UBXN7: variants seen among roughly 807,000 people sequenced by gnomAD.
The protein encoded by UBXN7 is UBX domain-containing protein 7.
In UBXN7, 9 loss-of-function variants were observed where a neutral mutation model predicts 58.0. That is an observed-to-expected ratio of 0.16 (90% CI 0.09 to 0.27). The LOEUF is 0.27. UBXN7 is among the 10% of genes least tolerant of loss of function. UBXN7 has a pLI of 1.00. For missense variants in UBXN7, 328 were observed against 599.6 expected (o/e 0.55, Z 4.73); for synonymous variants, 208 against 205.0 (o/e 1.01, Z -0.12).
chr3:196,387,352 C>T (rs1729436019), intron 5 of UBXN7, among the ~76,000 whole-genome samples: 1 of 152,186 alleles, frequency 6.6e-6, no homozygotes, highest in Non-Finnish European at 1.5e-5. Flanking sequence ...AAAACCTAGG[C>T]AATACCATTC....
chr3:196,358,756 A>T, intron 10 of UBXN7, among the ~76,000 whole-genome samples: 1 of 151,956 alleles, frequency 6.6e-6, no homozygotes, highest in Non-Finnish European at 1.5e-5. Context: ...CCAACCAACC[A>T]ACAACAACAA....
chr3:196,428,445 C>T (rs1415804717), intron 1 of UBXN7, among the ~76,000 whole-genome samples: 2 of 68,056 alleles, frequency 2.9e-5, no homozygotes, highest in African/African-American at 8.0e-5. Context: ...AGAACAAGAC[C>T]GTCTTTAAAA....
intron 3 of UBXN7, among the ~76,000 whole-genome samples, chr3:196,396,103 C>T (rs931266872): frequency 4.7e-5 from 7 of 150,310 alleles, no homozygotes; most frequent in Non-Finnish European, 1.0e-4. Flanking sequence ...CACCCTGTGT[C>T]GCTCTCTACC....
At chr3:196,397,251 A>C (rs543775133) in intron 3 of UBXN7, among the ~76,000 whole-genome samples, 1 of 152,334 alleles carries the variant, frequency 6.6e-6, no homozygotes, top group Non-Finnish European at 1.5e-5. Context: ...AAAGAGCTAA[A>C]AGAAATTCAG....
intron 5 of UBXN7, among the ~76,000 whole-genome samples, chr3:196,373,956 TTAAC>T (rs1728916640): frequency 6.6e-6 from 1 of 152,236 alleles, no homozygotes; most frequent in East Asian, 1.9e-4. Context: ...GAAGCCGCAT[TTAAC>T]TGGTCAAAGG....
Position 196,423,045 on chromosome 3 carries a change from G to A in UBXN7, c.73+9282C>T, listed in dbSNP as rs185801702. ...ACTTACATGACATTCTGGAAAACAG[G>A]AGACTAAAAACAGACTAGGCTATGG... On this transcript the variant is annotated intron_variant, in intron 1 of 10. Transcript: ENST00000296328. Among the ~76,000 whole-genome samples the A allele has an allele frequency of 2.2e-4, 34 of 152,284 alleles. No individual in the cohort carries two copies. In the East Asian group the frequency reaches 4.1e-3, roughly 18 times the overall value.
intron 1 of UBXN7, chr3:196,432,080 G>C (rs199993348): frequency 1.4e-4 from 85 of 615,044 alleles, no homozygotes; most frequent in Non-Finnish European, 2.4e-4. Context: ...CTGGGCTGGC[G>C]GGGGGTTGGG....
rs138951041 is a variant in UBXN7, at chr3:196,391,292, A to C, written c.468+521T>G. On this transcript the variant is annotated intron_variant, in intron 5 of 10. Transcript: ENST00000296328. ...CTAATAAAAGGATTTCATCAATCTC[A>C]TATACTGCTGGTAGAAATATATTTC... 2.6e-5 allele frequency among the ~76,000 whole-genome samples: 4 copies of C among 152,284 alleles called. No individual in the cohort carries two copies. In the East Asian group the frequency reaches 7.7e-4, roughly 29 times the overall value.
At chr3:196,412,904 G>C (rs959277947) in intron 1 of UBXN7, among the ~76,000 whole-genome samples, 2 of 152,186 alleles carry the variant, frequency 1.3e-5, no homozygotes, top group Non-Finnish European at 2.9e-5. Flanking sequence ...CCAGGGGCTG[G>C]AGGAAGGTAG....
intron 1 of UBXN7, among the ~76,000 whole-genome samples, chr3:196,419,466 T>G (rs549119057): frequency 3.3e-4 from 51 of 152,278 alleles, no homozygotes; most frequent in Non-Finnish European, 5.3e-4. Flanking sequence ...ACAAAGCCAG[T>G]GCTAGAAAGA....
rs1728191248 is a variant in UBXN7, at chr3:196,350,782, G to C, written c.*5903C>G. On this transcript the variant is annotated 3_prime_UTR_variant, in exon 11 of 11. Coordinates refer to ENST00000296328, the MANE Select transcript of UBXN7 (RefSeq NM_015562.2). ...CCGATATATTGGTATGGTATTCTCT[G>C]TTGGGTTATCTGCAGTTCTAAAGAA... 1 of 152,200 alleles carries C rather than the reference G, an allele frequency of 6.6e-6. No individual in the cohort carries two copies. Among genetic ancestry groups the C allele is most frequent in the Non-Finnish European group, 1.5e-5 (1 of 68,038 alleles). 9.4% of individuals were successfully genotyped at this position (152,200 alleles called of 1,614,324 possible). A position where few individuals can be genotyped will look rare whatever the true frequency, so the allele number is the denominator to read the frequency against.
At chr3:196,397,317 A>C (rs1189238764) in intron 3 of UBXN7, among the ~76,000 whole-genome samples, 1 of 152,232 alleles carries the variant, frequency 6.6e-6, no homozygotes, top group East Asian at 1.9e-4. Context: ...TAGTGAGAAG[A>C]GTGGCACTGT....
intron 2 of UBXN7, among the ~76,000 whole-genome samples, chr3:196,403,833 C>G (rs1730067073): frequency 6.6e-6 from 1 of 152,100 alleles, no homozygotes; most frequent in Admixed American, 6.6e-5. Context: ...AGTAATTACT[C>G]ATCTTTTAAA....
chr3:196,421,963 T>C (rs1467691533), intron 1 of UBXN7, among the ~76,000 whole-genome samples: 1 of 151,408 alleles, frequency 6.6e-6, no homozygotes, highest in Non-Finnish European at 1.5e-5. Context: ...CTTTGGGAGG[T>C]TGAGGCGGGC....
chr3:196,376,233 A>G (rs1410461266), intron 5 of UBXN7, among the ~76,000 whole-genome samples: 2 of 152,146 alleles, frequency 1.3e-5, no homozygotes, highest in Non-Finnish European at 2.9e-5. Flanking sequence ...TAAACAATAT[A>G]AAGTTTAATC....
intron 3 of UBXN7, chr3:196,400,636 A>C: frequency 4.0e-6 from 1 of 250,830 alleles, no homozygotes; most frequent in Non-Finnish European, 8.1e-6. Flanking sequence ...CACCTATAGA[A>C]GGCTGAGGTG....
chr3:196,388,439 AAGT>A (rs1243567159), intron 5 of UBXN7, among the ~76,000 whole-genome samples: 1 of 151,770 alleles, frequency 6.6e-6, no homozygotes, highest in Non-Finnish European at 1.5e-5. Flanking sequence ...CTAGAACTTA[AAGT>A]ATAATAAAAG....
intron 5 of UBXN7, among the ~76,000 whole-genome samples, chr3:196,391,553 A>G (rs1729581791): frequency 6.6e-6 from 1 of 152,012 alleles, no homozygotes; most frequent in South Asian, 2.1e-4. Context: ...CGACACAGTG[A>G]GACCCTGTCT....
chr3:196,427,869 A>T (rs1429634222), intron 1 of UBXN7, among the ~76,000 whole-genome samples: 3 of 152,166 alleles, frequency 2.0e-5, no homozygotes, highest in Non-Finnish European at 4.4e-5. Flanking sequence ...GCTCACGCCC[A>T]TAATACCAGC....
Sources: gnomAD v4.1 joint callset for allele counts (sites outside exome capture counted in the v4.1 genomes callset) on GRCh38, gnomAD v4.1.1 for gene constraint, MANE v1.5 for transcripts, NCBI Gene and HGNC (gene_info 2026-07-23, HGNC 2026-07-21) for gene names.